The following PRKCH variants were observed in gnomAD, a reference collection of about 807,000 sequenced individuals.
PRKCH encodes the protein protein kinase C eta type.
Under a neutral mutation model 82.5 loss-of-function variants are expected in PRKCH, and 28 were observed. That is an observed-to-expected ratio of 0.34 (90% CI 0.25 to 0.47). The LOEUF is 0.47. Ranked by LOEUF, PRKCH falls within the 20% of genes least tolerant of loss-of-function variation. The probability of loss-of-function intolerance (pLI) is 1.00; values close to 1 mark genes in which losing one functional copy is unlikely to be tolerated. For synonymous variants in PRKCH, 322 were observed against 327.4 expected (o/e 0.98, Z 0.18); for missense variants, 705 against 881.8 (o/e 0.80, Z 2.54).
chr14:61,267,874 C>T (rs917657727), intron 1 of PRKCH, among the ~76,000 whole-genome samples: 5 of 152,110 alleles, frequency 3.3e-5, no homozygotes, highest in Admixed American at 2.0e-4. Context: ...AAAATATCAC[C>T]TAACAATTTT....
intron 10 of PRKCH, among the ~76,000 whole-genome samples, chr14:61,486,466 G>A (rs553781556): frequency 7.9e-5 from 12 of 152,202 alleles, no homozygotes; most frequent in Admixed American, 2.6e-4. Context: ...AATGGACTCC[G>A]AATCTGCTTG....
chr14:61,190,123 T>TA (rs1207821972), intron 1 of PRKCH, among the ~76,000 whole-genome samples: 1 of 152,202 alleles, frequency 6.6e-6, no homozygotes, highest in African/African-American at 2.4e-5. Context: ...ATTGGGCTGA[T>TA]AAAATATATT....
chr14:61,331,214 G>A (rs1363111690), intron 1 of PRKCH, among the ~76,000 whole-genome samples: 1 of 152,054 alleles, frequency 6.6e-6, no homozygotes, highest in South Asian at 2.1e-4. Flanking sequence ...AAATGCATTA[G>A]TTTAGATATA....
At position 61,504,989 on chromosome 14, in the gene PRKCH, G is replaced by A. The variant is rs183406562; in HGVS notation, c.1433+19333G>A. Among the ~76,000 whole-genome samples, 424 of 152,216 alleles carry A rather than the reference G, an allele frequency of 2.8e-3. 4 individuals are homozygous for A. Among genetic ancestry groups the A allele is most frequent in the Middle Eastern group, 6.8e-3 (2 of 294 alleles). ...CCTGCTCCCTGCCCACAGGAAGCAG[G>A]CATTCTAGTGTAAGCACACAAACAA... is the stretch of plus-strand genomic sequence containing the variant. On this transcript the variant is annotated intron_variant, in intron 10 of 13. Coordinates refer to ENST00000332981, the MANE Select transcript of PRKCH (RefSeq NM_006255.5).
chr14:61,486,283 C>G (rs1422076400), intron 10 of PRKCH, among the ~76,000 whole-genome samples: 5 of 32,336 alleles, frequency 1.5e-4, no homozygotes, highest in Non-Finnish European at 1.0e-3. Context: ...CTAACCTGCT[C>G]TAAGTTACAA....
chr14:61,274,985 C>T (rs2045189540), intron 1 of PRKCH, among the ~76,000 whole-genome samples: 2 of 152,162 alleles, frequency 1.3e-5, no homozygotes, highest in Admixed American at 6.6e-5. Flanking sequence ...AAGTCTTCAT[C>T]CTTCAAGACC....
rs1491199208 is a variant in PRKCH, at chr14:61,345,875, T to TC, written c.363+23411_363+23412insC. On this transcript the variant is annotated intron_variant, in intron 1 of 13. Transcript: ENST00000332981. Reference sequence around the variant, plus strand: ...ACAACATAGCAAGACCCTGTCTCTCTTTTTTTTTTTTTAAAGTTGTGGAGC... The same window carrying TC: ...ACAACATAGCAAGACCCTGTCTCTCTCTTTTTTTTTTTTAAAGTTGTGGAGC... Among the ~76,000 whole-genome samples the TC allele has an allele frequency of 4.9e-5, 6 of 121,734 alleles. No homozygotes were observed. The East Asian group carries it at 1.2e-3, about 25-fold the overall frequency. The allele number at this position is 121,734 out of a possible 152,430, so 79.9% of individuals were successfully genotyped here. A position where few individuals can be genotyped will look rare whatever the true frequency, so the allele number is the denominator to read the frequency against.
At chr14:61,223,298 G>A (rs1398622361) in intron 1 of PRKCH, among the ~76,000 whole-genome samples, 2 of 152,112 alleles carry the variant, frequency 1.3e-5, no homozygotes, top group Admixed American at 1.3e-4. Context: ...TTTCACCATC[G>A]ACTCCTGACA....
At chr14:61,385,027 A>AT (rs1267703029) in intron 1 of PRKCH, among the ~76,000 whole-genome samples, 1 of 152,008 alleles carries the variant, frequency 6.6e-6, no homozygotes, top group Non-Finnish European at 1.5e-5. Context: ...GAAGAATCAC[A>AT]TTTTTTTAAA....
At chr14:61,363,604 A>T (rs2046258562) in intron 1 of PRKCH, among the ~76,000 whole-genome samples, 1 of 152,160 alleles carries the variant, frequency 6.6e-6, no homozygotes, top group Non-Finnish European at 1.5e-5. Flanking sequence ...TACTGATTTT[A>T]AAAAGTGTCC....
intron 2 of PRKCH, among the ~76,000 whole-genome samples, chr14:61,439,605 G>A (rs28530693): frequency 0.017 from 2,433 of 146,706 alleles, 37 homozygotes; most frequent in South Asian, 0.042. Flanking sequence ...GTGCACTCCC[G>A]GCCTGCTGTG....
chr14:61,249,857 G>A (rs1337303163), intron 1 of PRKCH, among the ~76,000 whole-genome samples: 1 of 151,504 alleles, frequency 6.6e-6, no homozygotes, highest in East Asian at 2.0e-4. Flanking sequence ...CTGACCTCGT[G>A]ATCCACCCAC....
intron 1 of PRKCH, among the ~76,000 whole-genome samples, chr14:61,234,511 G>A (rs2044771802): frequency 2.0e-5 from 3 of 152,142 alleles, no homozygotes; most frequent in Non-Finnish European, 4.4e-5. Flanking sequence ...TTGAGCATGA[G>A]CACACACTCA....
intron 10 of PRKCH, among the ~76,000 whole-genome samples, chr14:61,509,330 A>G (rs1887279520): frequency 6.6e-6 from 1 of 152,188 alleles, no homozygotes; most frequent in Admixed American, 6.5e-5. Context: ...TGCAGCCTCA[A>G]AGACCATTGT....
chr14:61,482,552 GT>G (rs1405102468), intron 9 of PRKCH, among the ~76,000 whole-genome samples: 1 of 152,180 alleles, frequency 6.6e-6, no homozygotes, highest in Non-Finnish European at 1.5e-5. Context: ...TCTGCATTAA[GT>G]CGTCGTCGTG....
At chr14:61,242,829 C>T (rs1280825124) in intron 1 of PRKCH, among the ~76,000 whole-genome samples, 1 of 152,052 alleles carries the variant, frequency 6.6e-6, no homozygotes, top group East Asian at 1.9e-4. Flanking sequence ...TATTTTTCTG[C>T]ACTTTCAGTA....
At chr14:61,445,540 A>G (rs1214361599) in intron 3 of PRKCH, 152 bp from the exon 4 acceptor site, 3 of 738,512 alleles carry the variant, frequency 4.1e-6, no homozygotes, top group Non-Finnish European at 4.7e-6. Context: ...TCATAGTAAC[A>G]AACAATGGCT....
chr14:61,258,207 G>A (rs988637775), intron 1 of PRKCH, among the ~76,000 whole-genome samples: 2 of 152,050 alleles, frequency 1.3e-5, no homozygotes, highest in Non-Finnish European at 2.9e-5. Context: ...CTTTCACCCT[G>A]GAAATAACAC....
chr14:61,452,320 T>G (rs1033095303), intron 6 of PRKCH, among the ~76,000 whole-genome samples: 6 of 152,144 alleles, frequency 3.9e-5, no homozygotes, highest in African/African-American at 1.4e-4. Context: ...GTTCTTTTTC[T>G]TAAAGAAGGC....
Sources: gnomAD v4.1 joint callset for allele counts (sites outside exome capture counted in the v4.1 genomes callset) on GRCh38, gnomAD v4.1.1 for gene constraint, MANE v1.5 for transcripts, NCBI Gene and HGNC (gene_info 2026-07-23, HGNC 2026-07-21) for gene names.